Variants in ELP4 observed in about 807,000 individuals in gnomAD.
The protein encoded by ELP4 is elongator complex protein 4.
In ELP4, 51 loss-of-function variants were observed where a neutral mutation model predicts 48.9. That is an observed-to-expected ratio of 1.04 (90% CI 0.83 to 1.32). ELP4 has a LOEUF of 1.32. ELP4 is among the 40% of genes most tolerant of loss of function. ELP4 has a pLI of 0.00. For synonymous variants in ELP4, 210 were observed against 189.2 expected (o/e 1.11, Z -0.90); for missense variants, 519 against 514.6 (o/e 1.01, Z -0.08).
chr11:31,671,355 A>G (rs1373406566), intron 9 of ELP4, among the ~76,000 whole-genome samples: 1 of 152,118 alleles, frequency 6.6e-6, no homozygotes, highest in East Asian at 1.9e-4. Context: ...TGATTTAACT[A>G]CCCTAGTGCC....
intron 9 of ELP4, among the ~76,000 whole-genome samples, chr11:31,725,255 TCC>T (rs1947053352): frequency 6.6e-6 from 1 of 152,176 alleles, no homozygotes; most frequent in Non-Finnish European, 1.5e-5. Context: ...TTGTTACATC[TCC>T]TCTCCTGCCC....
At chr11:31,697,414 T>C (rs1946432765) in intron 9 of ELP4, among the ~76,000 whole-genome samples, 1 of 152,110 alleles carries the variant, frequency 6.6e-6, no homozygotes, top group African/African-American at 2.4e-5. Context: ...TTTTGTTTCT[T>C]GGGTTTTTTT....
At chr11:31,684,094 CAAATA>C (rs775706312) in intron 9 of ELP4, among the ~76,000 whole-genome samples, 1 of 152,044 alleles carries the variant, frequency 6.6e-6, no homozygotes, top group Non-Finnish European at 1.5e-5. Context: ...AAAGCTACTA[CAAATA>C]TAAATTGGTA....
At chr11:31,562,906 G>T (rs908441797) in intron 3 of ELP4, among the ~76,000 whole-genome samples, 4 of 151,974 alleles carry the variant, frequency 2.6e-5, no homozygotes, top group Non-Finnish European at 5.9e-5. Context: ...TTTCAATGAA[G>T]ATAATACAGG....
chr11:31,669,123 G>A (rs1945750652), intron 9 of ELP4, among the ~76,000 whole-genome samples: 1 of 150,172 alleles, frequency 6.7e-6, no homozygotes, highest in South Asian at 2.1e-4. Flanking sequence ...ATTTTGGGAT[G>A]GAGTCTCGCT....
At chr11:31,726,944 G>T (rs1947088806) in intron 9 of ELP4, among the ~76,000 whole-genome samples, 1 of 152,122 alleles carries the variant, frequency 6.6e-6, no homozygotes, top group Non-Finnish European at 1.5e-5. Context: ...TTCTTGAACT[G>T]CCTAAGCTTG....
chr11:31,743,106 C>T (rs906483799), intron 9 of ELP4, among the ~76,000 whole-genome samples: 5 of 152,164 alleles, frequency 3.3e-5, no homozygotes, highest in Admixed American at 6.5e-5. Context: ...CAATCCTACT[C>T]TCTGATAAAA....
chr11:31,745,397 G>A (rs1364206484), intron 9 of ELP4, among the ~76,000 whole-genome samples: 1 of 152,068 alleles, frequency 6.6e-6, no homozygotes, highest in Non-Finnish European at 1.5e-5. Context: ...CTACTTTACA[G>A]TTCATGTGGA....
chr11:31,541,599 A>G (rs1338743016), intron 3 of ELP4: 1 of 152,222 alleles, frequency 6.6e-6, no homozygotes, highest in Non-Finnish European at 1.5e-5. Flanking sequence ...AAATGCCTGT[A>G]TATGCTTTTG....
At chr11:31,654,854 TCA>T (rs1945395764) in intron 9 of ELP4, 1 of 151,892 alleles carries the variant, frequency 6.6e-6, no homozygotes, top group Admixed American at 6.6e-5. Flanking sequence ...GCTTGTCAAC[TCA>T]CAATTATGTT....
chr11:31,763,456 C>G, intron 9 of ELP4: 3 of 1,610,368 alleles, frequency 1.9e-6, no homozygotes, highest in Non-Finnish European at 2.5e-6. Context: ...CATTTATCCT[C>G]CAGGCTTCTC....
At chr11:31,705,958 T>G (rs1946622278) in intron 9 of ELP4, among the ~76,000 whole-genome samples, 1 of 152,138 alleles carries the variant, frequency 6.6e-6, no homozygotes, top group Non-Finnish European at 1.5e-5. Flanking sequence ...GCTCAAGTGA[T>G]CCTCCTGCCT....
chr11:31,746,972 A>G (rs1395955212), intron 9 of ELP4, among the ~76,000 whole-genome samples: 1 of 152,114 alleles, frequency 6.6e-6, no homozygotes, highest in Non-Finnish European at 1.5e-5. Context: ...AGCATATGAT[A>G]GATTTTCTTT....
rs1945533977 is a variant in ELP4, at chr11:31,660,585, T to G, written c.1143+10364T>G. 2.0e-5 allele frequency among the ~76,000 whole-genome samples: 3 copies of G among 152,064 alleles called. No homozygotes were observed. The South Asian group carries it at 6.2e-4, about 31-fold the overall frequency. On this transcript the variant is annotated intron_variant, in intron 9 of 9. Transcript: ENST00000640961. The stretch of plus-strand genomic sequence containing the variant: ...TGATATAAATAATAATAGAAAATGA[T>G]TAAAATACATAGTTACAGCTTTTAA...
At chr11:31,718,331 T>G (rs548535580) in intron 9 of ELP4, among the ~76,000 whole-genome samples, 3 of 152,334 alleles carry the variant, frequency 2.0e-5, no homozygotes, top group Admixed American at 1.3e-4. Context: ...TTATATTTCT[T>G]TTTAAAACAG....
intron 3 of ELP4, among the ~76,000 whole-genome samples, chr11:31,544,395 T>C (rs1956655305): frequency 6.6e-6 from 1 of 152,178 alleles, no homozygotes; most frequent in Non-Finnish European, 1.5e-5. Flanking sequence ...GTCTCCCTGA[T>C]TGCTAGCACA....
chr11:31,665,847 G>A (rs1945662017), intron 9 of ELP4, among the ~76,000 whole-genome samples: 1 of 150,924 alleles, frequency 6.6e-6, no homozygotes, highest in East Asian at 2.0e-4. Context: ...TAGAGACAGG[G>A]TTTCACCATG....
chr11:31,604,231 C>A (rs1957830910), intron 5 of ELP4, among the ~76,000 whole-genome samples: 1 of 151,704 alleles, frequency 6.6e-6, no homozygotes, highest in African/African-American at 2.4e-5. Context: ...GCTTTAAATG[C>A]AAATAGACAC....
chr11:31,721,678 GA>G (rs1459415619), intron 9 of ELP4, among the ~76,000 whole-genome samples: 1 of 151,644 alleles, frequency 6.6e-6, no homozygotes, highest in Non-Finnish European at 1.5e-5. Flanking sequence ...GGACCCTGGG[GA>G]CATTAATCAA....
Sources: allele counts gnomAD v4.1 joint callset (sites outside exome capture counted in the v4.1 genomes callset), GRCh38; gene constraint gnomAD v4.1.1; transcripts MANE v1.5; gene names NCBI Gene and HGNC (gene_info 2026-07-23, HGNC 2026-07-21).